The following TNKS2 variants were observed in gnomAD, a reference collection of about 807,000 sequenced individuals.
The protein encoded by TNKS2 is poly [ADP-ribose] polymerase tankyrase-2.
Under a neutral mutation model 137.6 loss-of-function variants are expected in TNKS2, and 72 were observed. That is an observed-to-expected ratio of 0.52 (90% CI 0.43 to 0.64). The LOEUF is 0.64. TNKS2 is among the 30% of genes least tolerant of loss of function. The probability of loss-of-function intolerance (pLI) is 0.00; values close to 1 mark genes in which losing one functional copy is unlikely to be tolerated. For synonymous variants in TNKS2, 516 were observed against 512.1 expected (o/e 1.01, Z -0.10); for missense variants, 1,049 against 1,410.2 (o/e 0.74, Z 4.10).
chr10:91,824,741 G>C (rs565506592), intron 7 of TNKS2, among the ~76,000 whole-genome samples: 1 of 152,158 alleles, frequency 6.6e-6, no homozygotes, highest in African/African-American at 2.4e-5. Context: ...TAGAATCAAG[G>C]CTCAAAACCA....
In TNKS2 at chr10:91,845,789, C is replaced by T. The variant is rs564051532; in HGVS notation, c.2207C>T (p.Ala736Val). The stretch of plus-strand genomic sequence containing the variant: ...GCAGCTCTACTAATAAAGTATAATG[C>T]ATGTGTCAATGCCACGGACAAATGG... ...DVAALLIKYN[A>V]CVNATDKWAF... is the part of the protein sequence containing the mutation. The change falls in exon 18 of 27, where the codon GCA becomes GTA. Residue 736 changes from alanine (A) to valine (V), a missense_variant. This residue lies in a region of TNKS2 where 328 missense variants were observed against 436.0 expected (regional missense o/e 0.75). Transcript: ENST00000371627. The T allele has an allele frequency of 5.6e-6, 9 of 1,598,600 alleles. No homozygotes were observed. The East Asian group carries it at 9.0e-5, about 16-fold the overall frequency.
intron 15 of TNKS2, 128 bp downstream of exon 15, chr10:91,841,576 G>A: frequency 3.5e-6 from 2 of 563,440 alleles, no homozygotes; most frequent in South Asian, 1.2e-4. Flanking sequence ...TCTGTACCTA[G>A]ATTTTAGAAT....
chr10:91,819,606 G>A (rs769598872), intron 5 of TNKS2, 49 bp downstream of exon 5: 1 of 1,350,064 alleles, frequency 7.4e-7, no homozygotes, highest in Non-Finnish European at 1.0e-6. Context: ...GTAACATGAA[G>A]ATAAAGATGT....
intron 21 of TNKS2, among the ~76,000 whole-genome samples, chr10:91,851,842 A>G (rs1842546778): frequency 1.3e-5 from 2 of 152,180 alleles, no homozygotes; most frequent in South Asian, 4.1e-4. Flanking sequence ...GTTGAATAAT[A>G]TTTTTATTTC....
chr10:91,819,880 T>G, intron 5 of TNKS2, 59 bp from the exon 6 acceptor site: 1 of 1,351,524 alleles, frequency 7.4e-7, no homozygotes, highest in South Asian at 1.4e-5. Flanking sequence ...TTTTTCCCTC[T>G]CACACATTTT....
At chr10:91,843,770 A>G (rs1188494243) in intron 16 of TNKS2, among the ~76,000 whole-genome samples, 1 of 152,222 alleles carries the variant, frequency 6.6e-6, no homozygotes, top group Non-Finnish European at 1.5e-5. Flanking sequence ...AAAAAGCAAG[A>G]AAAAATAATG....
chr10:91,829,073 T>C (rs1158254884), intron 9 of TNKS2, among the ~76,000 whole-genome samples: 1 of 152,164 alleles, frequency 6.6e-6, no homozygotes, highest in African/African-American at 2.4e-5. Flanking sequence ...TAAATCCTGT[T>C]GCGTGAGTTG....
intron 21 of TNKS2, 108 bp from the exon 22 acceptor site, chr10:91,854,921 A>AC: frequency 1.6e-6 from 1 of 618,594 alleles, no homozygotes; most frequent in Non-Finnish European, 2.8e-6. Context: ...AAAAGTTTAA[A>AC]AAAAAAAATT....
At chr10:91,823,050 CAAAA>C (rs879552963) in intron 7 of TNKS2, among the ~76,000 whole-genome samples, 1 of 109,354 alleles carries the variant, frequency 9.1e-6, no homozygotes, top group African/African-American at 3.1e-5. Context: ...GACCTTGTCT[CAAAA>C]AAAAAAAAAA....
At chr10:91,850,056 T>C (rs1188765124) in intron 20 of TNKS2, among the ~76,000 whole-genome samples, 1 of 152,156 alleles carries the variant, frequency 6.6e-6, no homozygotes, top group Non-Finnish European at 1.5e-5. Flanking sequence ...ACTTTCATTG[T>C]AGTTATGGAA....
intron 9 of TNKS2, among the ~76,000 whole-genome samples, chr10:91,828,653 AT>A: frequency 6.6e-6 from 1 of 152,354 alleles, no homozygotes; most frequent in African/African-American, 2.4e-5. Flanking sequence ...GACATGTATT[AT>A]ATGTAATGCT....
At chr10:91,823,258 G>T (rs542748886) in intron 7 of TNKS2, among the ~76,000 whole-genome samples, 72 of 149,684 alleles carry the variant, frequency 4.8e-4, no homozygotes, top group African/African-American at 1.7e-3. Context: ...CTCAACAGCT[G>T]TTTAACAAAC....
intron 24 of TNKS2, among the ~76,000 whole-genome samples, chr10:91,858,727 G>A (rs1842777896): frequency 6.6e-6 from 1 of 152,182 alleles, no homozygotes; most frequent in Non-Finnish European, 1.5e-5. Flanking sequence ...GTGAAAGTTG[G>A]GCCGGGTGCG....
At chr10:91,810,015 A>G (rs932656302) in intron 1 of TNKS2, among the ~76,000 whole-genome samples, 4 of 152,216 alleles carry the variant, frequency 2.6e-5, no homozygotes, top group Non-Finnish European at 4.4e-5. Flanking sequence ...ATGAATGCCA[A>G]CTATGTACTA....
At chr10:91,802,759 A>G (rs1450996106) in intron 1 of TNKS2, among the ~76,000 whole-genome samples, 1 of 152,260 alleles carries the variant, frequency 6.6e-6, no homozygotes, top group East Asian at 1.9e-4. Context: ...AGAGATGCAC[A>G]AAATTTATCC....
chr10:91,830,462 C>A (rs1845211181), intron 9 of TNKS2, among the ~76,000 whole-genome samples: 1 of 152,214 alleles, frequency 6.6e-6, no homozygotes, highest in South Asian at 2.1e-4. Context: ...AGGTGACCCG[C>A]CTGCCTCGGC....
chr10:91,832,472 GTTTT>G (rs11392641), intron 11 of TNKS2, among the ~76,000 whole-genome samples: 4 of 148,422 alleles, frequency 2.7e-5, no homozygotes, highest in Non-Finnish European at 6.0e-5. Flanking sequence ...TACCCAAATA[GTTTT>G]TTTTTTTTTA....
chr10:91,821,543 C>T (rs1844892753), intron 6 of TNKS2, among the ~76,000 whole-genome samples: 1 of 152,064 alleles, frequency 6.6e-6, no homozygotes, highest in African/African-American at 2.4e-5. Flanking sequence ...GTGGCTATGG[C>T]AGCATATTAG....
Position 91,832,561 on chromosome 10 carries a change from C to A in TNKS2, c.1276-1292C>A, listed in dbSNP as rs967414967. ...TTGATTGTCCTAAGCATTTTAAATC[C>A]ATTTTTCAGGCCCTGTAAGCATGGA... On this transcript the variant is annotated intron_variant, in intron 11 of 26. Transcript: ENST00000371627. 3.0e-4 allele frequency among the ~76,000 whole-genome samples: 46 copies of A among 151,786 alleles called. 1 individual carries two copies. Among genetic ancestry groups the A allele is most frequent in the Non-Finnish European group, 1.2e-4 (8 of 67,952 alleles).
Sources: allele counts gnomAD v4.1 joint callset (sites outside exome capture counted in the v4.1 genomes callset), GRCh38; gene constraint gnomAD v4.1.1; regional missense constraint gnomAD v4.1.1; transcripts MANE v1.5; gene names NCBI Gene and HGNC (gene_info 2026-07-23, HGNC 2026-07-21).